Variants in SLC24A2 observed in about 807,000 individuals in gnomAD.
SLC24A2 encodes the protein sodium/potassium/calcium exchanger 2.
SLC24A2 carries 36 observed loss-of-function variants against 62.0 expected under a neutral mutation model. That is an observed-to-expected ratio of 0.58 (90% CI 0.44 to 0.77). The LOEUF (loss-of-function observed/expected upper bound fraction) is 0.77, where lower values mean the gene tolerates loss of function less well. SLC24A2 is among the 30% of genes least tolerant of loss of function. The pLI is 0.00. For missense variants in SLC24A2, 846 were observed against 817.9 expected, an observed-to-expected ratio of 1.03 and a Z score of -0.42; for synonymous variants, 358 against 294.0, an observed-to-expected ratio of 1.22 and a Z score of -2.23.
At chr9:19,613,277 A>C (rs1239074267) in intron 4 of SLC24A2, among the ~76,000 whole-genome samples, 1 of 152,224 alleles carries the variant, frequency 6.6e-6, no homozygotes, top group Admixed American at 6.5e-5. Flanking sequence ...CCTTTCTCTG[A>C]AGTCTTTGGG....
chr9:19,756,594 C>T (rs567522367), intron 2 of SLC24A2, among the ~76,000 whole-genome samples: 118 of 152,298 alleles, frequency 7.7e-4, no homozygotes, highest in African/African-American at 2.6e-3. Context: ...CATGGCCCAG[C>T]TGGGTTCTCT....
At chr9:19,726,094 AAG>A (rs1262300909) in intron 2 of SLC24A2, among the ~76,000 whole-genome samples, 5 of 152,182 alleles carry the variant, frequency 3.3e-5, no homozygotes, top group Admixed American at 3.3e-4. Flanking sequence ...TGAAGAATGA[AAG>A]CGGAGTCAAG....
chr9:19,522,488 T>A (rs1833248790), intron 9 of SLC24A2, among the ~76,000 whole-genome samples: 1 of 152,194 alleles, frequency 6.6e-6, no homozygotes, highest in Non-Finnish European at 1.5e-5. Flanking sequence ...ATACACTCAT[T>A]TCTAAATCCT....
the SLC24A2 span, among the ~76,000 whole-genome samples, chr9:19,950,371 C>T: frequency 6.6e-6 from 1 of 152,180 alleles, no homozygotes; most frequent in Admixed American, 6.5e-5. Context: ...GTCAGACTTA[C>T]AGATTTATTA....
the SLC24A2 span, among the ~76,000 whole-genome samples, chr9:20,130,289 A>G: frequency 6.6e-6 from 1 of 152,074 alleles, no homozygotes; most frequent in African/African-American, 2.4e-5. Flanking sequence ...GACAAGAAAT[A>G]AATGAATGAA....
At chr9:20,084,793 G>A in the SLC24A2 span, among the ~76,000 whole-genome samples, 307 of 152,164 alleles carry the variant, frequency 2.0e-3, 1 homozygote, top group African/African-American at 6.9e-3. Flanking sequence ...CTTTAACAAT[G>A]AAAGTACCAT....
the SLC24A2 span, among the ~76,000 whole-genome samples, chr9:19,819,678 G>A: frequency 0.013 from 2,041 of 151,976 alleles, 26 homozygotes; most frequent in Non-Finnish European, 0.022. Context: ...ACTCCTGCAA[G>A]AATGGCCATA....
chr9:19,783,613 TG>T (rs1312306613), intron 2 of SLC24A2, among the ~76,000 whole-genome samples: 7 of 152,140 alleles, frequency 4.6e-5, no homozygotes, highest in Admixed American at 1.3e-4. Flanking sequence ...GTTCAGTGCC[TG>T]GGGGGGAAAA....
At chr9:19,573,740 G>A (rs1013388111) in intron 6 of SLC24A2, among the ~76,000 whole-genome samples, 4 of 152,032 alleles carry the variant, frequency 2.6e-5, no homozygotes, top group South Asian at 2.1e-4. Context: ...CCTTAATAGC[G>A]CCCTGGCTTC....
At chr9:20,238,454 T>C in the SLC24A2 span, among the ~76,000 whole-genome samples, 1 of 152,106 alleles carries the variant, frequency 6.6e-6, no homozygotes, top group African/African-American at 2.4e-5. Context: ...CCACCCCAGA[T>C]CGAGGAAAGA....
At chr9:19,547,767 G>C (rs1160658436) in intron 8 of SLC24A2, among the ~76,000 whole-genome samples, 1 of 151,520 alleles carries the variant, frequency 6.6e-6, no homozygotes, top group Non-Finnish European at 1.5e-5. Flanking sequence ...AACTGTATCT[G>C]TCTCCCTGAT....
intron 2 of SLC24A2, among the ~76,000 whole-genome samples, chr9:19,683,604 C>T (rs1013098542): frequency 6.6e-6 from 1 of 151,502 alleles, no homozygotes; most frequent in Non-Finnish European, 1.5e-5. Flanking sequence ...TTCAACCAAA[C>T]CTCACTAACA....
chr9:20,192,463 T>A, the SLC24A2 span, among the ~76,000 whole-genome samples: 1 of 152,086 alleles, frequency 6.6e-6, no homozygotes. Context: ...ATACATCTTG[T>A]AGAGGAGGAA....
intron 5 of SLC24A2, among the ~76,000 whole-genome samples, chr9:19,584,315 C>CA (rs1836301337): frequency 2.3e-5 from 3 of 132,446 alleles, no homozygotes; most frequent in Admixed American, 2.2e-4. Flanking sequence ...CAAAACAAAA[C>CA]AAACAAACAA....
At chr9:20,260,593 T>C in the SLC24A2 span, among the ~76,000 whole-genome samples, 1 of 152,226 alleles carries the variant, frequency 6.6e-6, no homozygotes, top group Non-Finnish European at 1.5e-5. Flanking sequence ...TGTTCTGCTA[T>C]AACAGAATAC....
intron 2 of SLC24A2, among the ~76,000 whole-genome samples, chr9:19,637,557 G>A (rs1400520883): frequency 6.6e-6 from 1 of 152,194 alleles, no homozygotes; most frequent in East Asian, 1.9e-4. Context: ...TTACCTGACT[G>A]GTCATTTTGG....
the SLC24A2 span, among the ~76,000 whole-genome samples, chr9:20,093,408 C>CT: frequency 2.0e-5 from 3 of 151,922 alleles, no homozygotes; most frequent in Non-Finnish European, 4.4e-5. Flanking sequence ...GTCTCCTTTT[C>CT]TTTTTATCTT....
At chr9:19,984,125 T>A in the SLC24A2 span, among the ~76,000 whole-genome samples, 4 of 152,310 alleles carry the variant, frequency 2.6e-5, no homozygotes, top group African/African-American at 9.6e-5. Flanking sequence ...AACCCTGTTG[T>A]AAGTTGCAGA....
chr9:19,631,562 A>G (rs1403538132), intron 2 of SLC24A2, among the ~76,000 whole-genome samples: 1 of 152,136 alleles, frequency 6.6e-6, no homozygotes, highest in African/African-American at 2.4e-5. Flanking sequence ...ACATCTTTAT[A>G]CTTCCAATTT....
Sources: gnomAD v4.1 joint callset for allele counts (sites outside exome capture counted in the v4.1 genomes callset) on GRCh38, gnomAD v4.1.1 for gene constraint, MANE v1.5 for transcripts, NCBI Gene and HGNC (gene_info 2026-07-23, HGNC 2026-07-21) for gene names.